UROS: variants seen among roughly 807,000 people sequenced by gnomAD.
UROS encodes uroporphyrinogen-III synthase.
Under a neutral mutation model 33.0 loss-of-function variants are expected in UROS, and 18 were observed. The ratio of observed to expected loss-of-function variants is 0.55; its 90% confidence interval spans 0.38 to 0.81. The LOEUF is 0.81. Ranked by LOEUF, UROS falls within the 30% of genes least tolerant of loss-of-function variation. The pLI, the probability that UROS is intolerant of heterozygous loss-of-function variation, is 0.00. For missense variants in UROS, 293 were observed against 314.9 expected (o/e 0.93, Z 0.53); for synonymous variants, 114 against 121.1 (o/e 0.94, Z 0.38).
chr10:125,810,951 T>A (rs888419328), intron 5 of UROS, among the ~76,000 whole-genome samples: 1 of 152,226 alleles, frequency 6.6e-6, no homozygotes, highest in Non-Finnish European at 1.5e-5. Flanking sequence ...GTCCTTTTCC[T>A]TCACAACTGA....
At chr10:125,798,848 T>C (rs1851575785) in intron 6 of UROS, among the ~76,000 whole-genome samples, 1 of 152,214 alleles carries the variant, frequency 6.6e-6, no homozygotes, top group African/African-American at 2.4e-5. Flanking sequence ...GAGGACAGCA[T>C]AGGATTTGAA....
intron 6 of UROS, chr10:125,803,145 C>G (rs992117602): frequency 7.3e-7 from 1 of 1,364,474 alleles, no homozygotes; most frequent in East Asian, 2.4e-5. Context: ...CCCCAGCCTA[C>G]CACTATTAGC....
intron 6 of UROS, chr10:125,802,253 C>G (rs1043963783): frequency 1.7e-5 from 17 of 985,474 alleles, no homozygotes; most frequent in Non-Finnish European, 2.0e-5. Context: ...ACCTGAGGAG[C>G]GATCCCATGG....
chr10:125,797,633 C>T (rs1851471942), intron 7 of UROS, among the ~76,000 whole-genome samples: 1 of 152,176 alleles, frequency 6.6e-6, no homozygotes, highest in Non-Finnish European at 1.5e-5. Flanking sequence ...GGAGCCACGG[C>T]AGGTGGAGCT....
intron 6 of UROS, chr10:125,803,013 T>C: frequency 1.2e-6 from 2 of 1,612,942 alleles, no homozygotes; most frequent in Non-Finnish European, 1.7e-6. Flanking sequence ...AAGATTCCTT[T>C]GACTTCTTCA....
Position 125,796,145 on chromosome 10 carries a change from GTGTGCAAC to G in UROS, c.511_518del (p.Val171ProfsTer24). The G allele has an allele frequency of 6.2e-7, 1 of 1,614,184 alleles. No homozygotes were observed. Among genetic ancestry groups the G allele is most frequent in the Non-Finnish European group, 8.5e-7 (1 of 1,180,042 alleles). ...TGTTCAGGTTCCCTTGGATTCCTGG[GTGTGCAAC>G]TGTCTGATACACAGTTATGCTTTCC... On this transcript the variant is annotated frameshift_variant, in exon 8 of 10. Coordinates refer to ENST00000368797, the MANE Select transcript of UROS (RefSeq NM_000375.3). LOFTEE classifies it high-confidence loss of function.
In UROS at chr10:125,788,691, G is replaced by A. The variant is rs556977674; in HGVS notation, c.*177C>T. The A allele has an allele frequency of 2.4e-5, 34 of 1,431,408 alleles. No individual in the cohort carries two copies. Among genetic ancestry groups the A allele is most frequent in the East Asian group, 5.0e-5 (2 of 39,892 alleles). The allele number at this position is 1,431,408 out of a possible 1,614,324, so 88.7% of individuals were successfully genotyped here. On this transcript the variant is annotated 3_prime_UTR_variant, in exon 10 of 10. Transcript: ENST00000368797. The stretch of plus-strand genomic sequence containing the variant: ...TTCCACAGAGGGCAGTCACGTGCAC[G>A]TGGGCCTGAGGCCAGCCCCAGGTCA...
In UROS at chr10:125,796,129, T is replaced by A. The variant is rs1851335333; in HGVS notation, c.535A>T (p.Asn179Tyr). The A allele has an allele frequency of 1.2e-6, 2 of 1,614,204 alleles. No homozygotes were observed. The highest frequency in any genetic ancestry group is 1.7e-6 in the Non-Finnish European group (2 of 1,180,042). Residue 179 changes from asparagine to tyrosine, a missense_variant, in exon 8 of 10, where the codon AAC (asparagine) becomes TAC (tyrosine). Physicochemically the swap from Asn to Tyr is moderately radical, Grantham distance 143. Transcript: ENST00000368797. Reference sequence around the variant, plus strand: ...TGCTGGGAATAGTAGCTGTTCAGGTTCCCTTGGATTCCTGGGTGTGCAACT... The same window carrying A: ...TGCTGGGAATAGTAGCTGTTCAGGTACCCTTGGATTCCTGGGTGTGCAACT... ...QTVAHPGIQG[N>Y]LNSYYSQQGV... is the part of the protein sequence containing the mutation.
chr10:125,808,770 C>T (rs1024783688), intron 5 of UROS, among the ~76,000 whole-genome samples: 1 of 152,238 alleles, frequency 6.6e-6, no homozygotes, highest in Non-Finnish European at 1.5e-5. Flanking sequence ...GTGGCCAGCT[C>T]TATTTGTGAG....
At chr10:125,794,822 A>G in intron 9 of UROS, 58 bp downstream of exon 9, 1 of 1,509,688 alleles carries the variant, frequency 6.6e-7, no homozygotes, top group Non-Finnish European at 9.1e-7. Context: ...ATAATTCATA[A>G]AGATTAAAAA....
chr10:125,797,006 A>G (rs1851422594), intron 7 of UROS: 1 of 323,710 alleles, frequency 3.1e-6, no homozygotes, highest in Non-Finnish European at 4.4e-6. Flanking sequence ...TTTAAGGGTA[A>G]CTGAGACCAA....
At chr10:125,787,420 T>C (rs1171258293), downstream of UROS, among the ~76,000 whole-genome samples, 2 of 152,178 alleles carry the variant, frequency 1.3e-5, no homozygotes, top group Non-Finnish European at 2.9e-5. Flanking sequence ...AGGGCATTCC[T>C]GATCACACTC....
chr10:125,792,062 C>T (rs975406793), intron 9 of UROS: 1 of 151,466 alleles, frequency 6.6e-6, no homozygotes, highest in East Asian at 1.9e-4. Context: ...AGTGAGACCC[C>T]ATCTCTAAAA....
chr10:125,806,053 A>C (rs1282532511), intron 6 of UROS, among the ~76,000 whole-genome samples: 2 of 152,116 alleles, frequency 1.3e-5, no homozygotes, highest in African/African-American at 2.4e-5. Context: ...AGTGTAGAAA[A>C]AGACGCAGGA....
chr10:125,813,091 A>G (rs1006698039), intron 4 of UROS, among the ~76,000 whole-genome samples: 1 of 152,162 alleles, frequency 6.6e-6, no homozygotes, highest in Non-Finnish European at 1.5e-5. Context: ...TACCCCATAA[A>G]TATCAATAGT....
chr10:125,814,297 T>C (rs530999824), intron 4 of UROS, among the ~76,000 whole-genome samples: 1 of 152,296 alleles, frequency 6.6e-6, no homozygotes, highest in South Asian at 2.1e-4. Context: ...GCATAACCAC[T>C]CTGCCCGCTG....
intron 6 of UROS, chr10:125,802,135 T>C: frequency 3.0e-6 from 3 of 985,482 alleles, no homozygotes; most frequent in Non-Finnish European, 3.6e-6. Context: ...ATGATGACTC[T>C]CTAGAAACAA....
At chr10:125,802,576 T>G in intron 6 of UROS, 1 of 1,011,052 alleles carries the variant, frequency 9.9e-7, no homozygotes, top group Non-Finnish European at 1.2e-6. Context: ...GTGGCACAAG[T>G]GGCCAGAGAA....
chr10:125,804,161 G>A (rs1589966136), intron 6 of UROS, among the ~76,000 whole-genome samples: 1 of 152,194 alleles, frequency 6.6e-6, no homozygotes, highest in Non-Finnish European at 1.5e-5. Flanking sequence ...GATGGGGGCT[G>A]AAGGCCACAC....
Sources: gnomAD v4.1 joint callset for allele counts (sites outside exome capture counted in the v4.1 genomes callset) on GRCh38, gnomAD v4.1.1 for gene constraint, MANE v1.5 for transcripts, NCBI Gene and HGNC (gene_info 2026-07-23, HGNC 2026-07-21) for gene names.